The following PAQR3 variants were observed in gnomAD, a reference collection of about 807,000 sequenced individuals.
The protein encoded by PAQR3 is Raf kinase trapping to Golgi.
A neutral mutation model predicts 41.7 loss-of-function variants in PAQR3; 39 were observed. That is an observed-to-expected ratio of 0.93 (90% CI 0.72 to 1.22). The LOEUF (loss-of-function observed/expected upper bound fraction) is 1.22. Among genes scored for constraint, PAQR3 ranks in the 50% most tolerant of loss-of-function variants. The pLI is 0.00. For missense variants in PAQR3, 366 were observed against 385.6 expected (o/e 0.95, Z 0.42); for synonymous variants, 140 against 140.6 (o/e 1.00, Z 0.03).
At position 78,935,139 on chromosome 4, in the gene PAQR3, A is replaced by C. The variant is rs201428120; in HGVS notation, c.330T>G (p.Ile110Met). ...ASREDFVICS[I>M]CLFCFQVCML... ...GACTTACCTGGAAGCAGAAAAGACAAATAGAACAAATTACAAAATCTTCTC... is the reference window on the plus strand; with the variant it reads ...GACTTACCTGGAAGCAGAAAAGACACATAGAACAAATTACAAAATCTTCTC... Residue 110 changes from isoleucine to methionine, a missense_variant, in exon 2 of 6, where the codon ATT becomes ATG. Physicochemically the swap from Ile to Met is conservative, Grantham distance 10 (BLOSUM62 1). Transcript: ENST00000512733. 8.7e-6 allele frequency: 14 copies of C among 1,613,190 alleles called. No individual in the cohort carries two copies. The Admixed American group carries it at 2.3e-4, about 27-fold the overall frequency.
chr4:78,920,832 T>C, intron 5 of PAQR3, 151 bp from the exon 6 acceptor site: 1 of 770,650 alleles, frequency 1.3e-6, no homozygotes, highest in South Asian at 2.6e-5. Context: ...TTTTTAGAAA[T>C]GGATCAATTC....
Position 78,926,694 on chromosome 4 carries a change from T to A in PAQR3, c.529A>T (p.Thr177Ser), listed in dbSNP as rs879801483. The A allele has an allele frequency of 1.4e-5, 22 of 1,614,034 alleles. No homozygotes were observed. The highest frequency in any genetic ancestry group is 2.2e-5 in the East Asian group (1 of 44,888). ...ACTGCCAGGATCATAGCAAGCACTG[T>A]GATCAAGTACACCTGACGCCAGTAC... ...NNYWRQVYLITVLAMILAVFF... is the reference protein window; with the variant it reads ...NNYWRQVYLISVLAMILAVFF... The change falls in exon 4 of 6, where the codon ACA becomes TCA. Residue 177 changes from threonine (T) to serine (S), a missense_variant. By Grantham distance (58) the Thr-to-Ser change is moderately conservative. Transcript: ENST00000512733.
At chr4:78,902,789 T>C (rs1292592331) in intron 11 of PAQR3, among the ~76,000 whole-genome samples, 1 of 152,148 alleles carries the variant, frequency 6.6e-6, no homozygotes, top group Non-Finnish European at 1.5e-5. Flanking sequence ...AGCGGTAATA[T>C]GCATAGTATG....
chr4:78,887,332 G>A, intron 12 of PAQR3: 1 of 1,319,952 alleles, frequency 7.6e-7, no homozygotes, highest in Non-Finnish European at 1.1e-6. Flanking sequence ...AAACACACAA[G>A]AACAACAGCA....
At chr4:78,894,320 A>G (rs968200734) in intron 11 of PAQR3, among the ~76,000 whole-genome samples, 8 of 152,198 alleles carry the variant, frequency 5.3e-5, no homozygotes, top group African/African-American at 1.9e-4. Flanking sequence ...CTTCCAATAG[A>G]AGGCTGTTTT....
chr4:78,938,949 G>A, intron 1 of PAQR3, 91 bp downstream of exon 1: 2 of 1,271,818 alleles, frequency 1.6e-6, no homozygotes, highest in Non-Finnish European at 2.2e-6. Context: ...TGATGGGCAA[G>A]CAGAAAGGCG....
chr4:78,907,648 CT>C (rs1734354074), downstream of PAQR3, among the ~76,000 whole-genome samples: 1 of 152,172 alleles, frequency 6.6e-6, no homozygotes, highest in Admixed American at 6.5e-5. Context: ...AAATTAGATT[CT>C]TTTGTGTAGG....
rs953028408 is a variant in PAQR3, at chr4:78,914,460, T to G, written c.*6079A>C. ...CCTTTGTGTTGTAGTAGAGGCATTT[T>G]CCTAAGGAGTATAGATTTATACTTT... On this transcript the variant is annotated 3_prime_UTR_variant, in exon 6 of 6. Coordinates refer to ENST00000512733, the MANE Select transcript of PAQR3 (RefSeq NM_001040202.2). 9.9e-5 allele frequency: 15 copies of G among 151,972 alleles called. No individual in the cohort carries two copies. The highest frequency in any genetic ancestry group is 6.6e-5 in the Admixed American group (1 of 15,214). 9.4% of individuals were successfully genotyped at this position (151,972 alleles called of 1,614,324 possible).
chr4:78,935,912 T>C (rs909490870), intron 1 of PAQR3, among the ~76,000 whole-genome samples: 3 of 152,236 alleles, frequency 2.0e-5, no homozygotes, highest in Admixed American at 6.5e-5. Flanking sequence ...ACTAGTCTAG[T>C]TTCCAGGTGG....
chr4:78,931,173 G>T (rs1269537883), intron 2 of PAQR3, among the ~76,000 whole-genome samples: 6 of 102,664 alleles, frequency 5.8e-5, no homozygotes, highest in African/African-American at 2.2e-4. Flanking sequence ...AACATAGGGA[G>T]ACCTCATTTC....
chr4:78,928,876 C>A (rs939715183), intron 3 of PAQR3, among the ~76,000 whole-genome samples: 7 of 152,224 alleles, frequency 4.6e-5, no homozygotes, highest in Non-Finnish European at 8.8e-5. Context: ...TGCAACTAGA[C>A]GGTCCCCCTC....
In PAQR3 at chr4:78,921,932, G is replaced by C. The variant is rs570616609; in HGVS notation, c.794-1251C>G. On this transcript the variant is annotated intron_variant, in intron 5 of 5. Coordinates refer to ENST00000512733, the MANE Select transcript of PAQR3 (RefSeq NM_001040202.2). ...TTTATGTCAAGTGTGTCTTGGGGAA[G>C]GTTAAGTTACAATAAGTTTGATTGT... is the stretch of plus-strand genomic sequence containing the variant. 4 of 984,932 alleles carry C rather than the reference G, an allele frequency of 4.1e-6. No individual in the cohort carries two copies. In the East Asian group the frequency reaches 4.5e-4, roughly 112 times the overall value. 61.0% of individuals were successfully genotyped at this position (984,932 alleles called of 1,614,324 possible). A position where few individuals can be genotyped will look rare whatever the true frequency, so the allele number is the denominator to read the frequency against.
At chr4:78,910,868 A>G (rs752166931), downstream of PAQR3, 2 of 1,613,990 alleles carry the variant, frequency 1.2e-6, no homozygotes, top group Non-Finnish European at 8.5e-7. Context: ...GATTTTAATG[A>G]TGATGATACT....
intron 2 of PAQR3, among the ~76,000 whole-genome samples, chr4:78,930,880 TTATATATA>T (rs147412098): frequency 0.068 from 10,193 of 150,056 alleles, 472 homozygotes; most frequent in East Asian, 0.22. Flanking sequence ...CATGCACACA[TTATATATA>T]TATATATATA....
At chr4:78,904,954 CATTCTT>C (rs1473481447) in intron 11 of PAQR3, among the ~76,000 whole-genome samples, 2 of 151,784 alleles carry the variant, frequency 1.3e-5, no homozygotes, top group Admixed American at 6.6e-5. Context: ...TAGGAAAAAA[CATTCTT>C]AGTAACTCTG....
At chr4:78,889,944 C>T (rs1179722306) in intron 11 of PAQR3, among the ~76,000 whole-genome samples, 1 of 152,158 alleles carries the variant, frequency 6.6e-6, no homozygotes, top group Non-Finnish European at 1.5e-5. Flanking sequence ...TTAAGAACCA[C>T]TGTCCTGAAT....
rs866934947 is a variant in PAQR3 at position 78,919,410 on chromosome 4, A to G, written c.*1129T>C. ...AATGTATGATAGGGCAGTGAGTTCT[A>G]TTTTTTAAGTATATACAATAAAAAG... On this transcript the variant is annotated 3_prime_UTR_variant, in exon 6 of 6. Coordinates refer to ENST00000512733, the MANE Select transcript of PAQR3 (RefSeq NM_001040202.2). The G allele has an allele frequency of 2.0e-6, 2 of 984,466 alleles. No individual in the cohort carries two copies. The highest frequency in any genetic ancestry group is 2.4e-6 in the Non-Finnish European group (2 of 829,162). 61.0% of individuals were successfully genotyped at this position (984,466 alleles called of 1,614,324 possible).
In PAQR3 at chr4:78,918,497, T is replaced by A. The variant is rs1170603600; in HGVS notation, c.*2042A>T. 5.2e-6 allele frequency: 5 copies of A among 962,464 alleles called. No homozygotes were observed. The highest frequency in any genetic ancestry group is 6.2e-6 in the Non-Finnish European group (5 of 808,962). 59.6% of individuals were successfully genotyped at this position (962,464 alleles called of 1,614,324 possible). A position where few individuals can be genotyped will look rare whatever the true frequency, so the allele number is the denominator to read the frequency against. On this transcript the variant is annotated 3_prime_UTR_variant, in exon 6 of 6. Transcript: ENST00000512733. The stretch of plus-strand genomic sequence containing the variant: ...AGCAGTGAAAAAATGAGAGGATAAC[T>A]TTCTTACAATATTTAACATTTTCAT...
At chr4:78,934,490 C>T (rs997510760) in intron 2 of PAQR3, among the ~76,000 whole-genome samples, 5 of 152,142 alleles carry the variant, frequency 3.3e-5, no homozygotes, top group African/African-American at 1.2e-4. Context: ...GAACTACAGT[C>T]CACATTTGTT....
Sources: allele counts gnomAD v4.1 joint callset (sites outside exome capture counted in the v4.1 genomes callset), GRCh38; gene constraint gnomAD v4.1.1; transcripts MANE v1.5; gene names NCBI Gene and HGNC (gene_info 2026-07-23, HGNC 2026-07-21).